The following SUN3 variants were observed in gnomAD, a reference collection of about 807,000 sequenced individuals.
SUN3 encodes SUN domain-containing protein 3.
SUN3 carries 36 observed loss-of-function variants against 48.2 expected under a neutral mutation model. The observed-to-expected ratio is 0.75, with a 90% CI of 0.57 to 0.99. The LOEUF (loss-of-function observed/expected upper bound fraction) is 0.99. Ranked by LOEUF, SUN3 falls within the 50% of genes least tolerant of loss-of-function variation. The pLI is 0.00. For missense variants in SUN3, 419 were observed against 433.1 expected, an observed-to-expected ratio of 0.97 and a Z score of 0.29; for synonymous variants, 148 against 147.9, an observed-to-expected ratio of 1.00 and a Z score of 0.00.
At chr7:48,033,293 G>T (rs768860950), upstream of SUN3, among the ~76,000 whole-genome samples, 2 of 152,166 alleles carry the variant, frequency 1.3e-5, no homozygotes, top group Admixed American at 6.5e-5. Flanking sequence ...AGGTGTGGTG[G>T]CTCATGCCTA....
At chr7:48,034,993 A>G in the SUN3 span, among the ~76,000 whole-genome samples, 11 of 152,350 alleles carry the variant, frequency 7.2e-5, no homozygotes, top group East Asian at 1.3e-3. Flanking sequence ...ATTTGCAAGC[A>G]AATTTGTCTA....
Position 48,004,296 on chromosome 7 carries a change from T to C in SUN3, c.577+1673A>G, listed in dbSNP as rs183660512. On this transcript the variant is annotated intron_variant, in intron 6 of 9. Coordinates refer to ENST00000297325, the MANE Select transcript of SUN3 (RefSeq NM_001030019.2). ...TGTACCCTAGACATACTGAATATTA[T>C]ACTGTAAGACTCTGAGCCCTATTAC... 2.6e-5 allele frequency among the ~76,000 whole-genome samples: 4 copies of C among 152,354 alleles called. No individual in the cohort carries two copies. The East Asian group carries it at 5.8e-4, about 22-fold the overall frequency.
chr7:48,007,556 C>T (rs1485726927), intron 4 of SUN3, among the ~76,000 whole-genome samples: 3 of 152,182 alleles, frequency 2.0e-5, no homozygotes, highest in Admixed American at 6.5e-5. Flanking sequence ...ACTGCTTGAC[C>T]GGGCTCTGCA....
chr7:48,012,576 G>A (rs1027834094), intron 3 of SUN3, among the ~76,000 whole-genome samples: 1 of 152,082 alleles, frequency 6.6e-6, no homozygotes, highest in African/African-American at 2.4e-5. Context: ...TAACTTCAAG[G>A]TGAATCCTAC....
At chr7:47,992,229 C>T (rs1205001240) in intron 8 of SUN3, among the ~76,000 whole-genome samples, 6 of 152,314 alleles carry the variant, frequency 3.9e-5, no homozygotes, top group African/African-American at 1.2e-4. Flanking sequence ...TGACAAGCAT[C>T]ACAGACATGG....
At chr7:48,021,349 G>A (rs1789990838) in intron 2 of SUN3, among the ~76,000 whole-genome samples, 1 of 151,978 alleles carries the variant, frequency 6.6e-6, no homozygotes, top group South Asian at 2.1e-4. Context: ...TCATTGGTCT[G>A]GGCAAAAATT....
intron 2 of SUN3, 100 bp downstream of exon 2, chr7:48,025,777 G>T: frequency 1.3e-6 from 1 of 746,346 alleles, no homozygotes; most frequent in Non-Finnish European, 2.2e-6. Context: ...ACTTTCCGTG[G>T]CATTTATTTA....
At chr7:48,006,245 T>G (rs1697127279) in intron 5 of SUN3, among the ~76,000 whole-genome samples, 192 bp from the exon 6 acceptor site, 1 of 152,130 alleles carries the variant, frequency 6.6e-6, no homozygotes, top group Non-Finnish European at 1.5e-5. Context: ...AGTGTCATTT[T>G]CAGGAATACG....
At chr7:47,987,572 C>A in intron 9 of SUN3, 123 bp from the exon 10 acceptor site, 1 of 961,964 alleles carries the variant, frequency 1.0e-6, no homozygotes, top group South Asian at 2.3e-5. Flanking sequence ...CTGGCTCTGT[C>A]ACACAGGCTG....
chr7:47,998,948 CT>C (rs1789286280), intron 6 of SUN3, among the ~76,000 whole-genome samples: 1 of 152,228 alleles, frequency 6.6e-6, no homozygotes, highest in Admixed American at 6.5e-5. Context: ...AACTTTGTCT[CT>C]TTTTTTCCCA....
chr7:48,006,025 AG>A lies in SUN3; in HGVS notation c.520del (p.Lys176SerfsTer2). ...EEVSNLVNYV[L>X]KKLREDQVEM... ...GACTTGGTCTTCTCTCAACTTTTTA[AG>A]TACATAATTGACCAAGTTTGACACT... On this transcript the variant is annotated frameshift_variant, in exon 6 of 10. Coordinates refer to ENST00000297325, the MANE Select transcript of SUN3 (RefSeq NM_001030019.2). LOFTEE classifies it high-confidence loss of function. 1 of 1,613,020 alleles carries A rather than the reference AG, an allele frequency of 6.2e-7. No individual in the cohort carries two copies. The highest frequency in any genetic ancestry group is 8.5e-7 in the Non-Finnish European group (1 of 1,179,528).
At chr7:47,994,247 G>T in intron 8 of SUN3, 68 bp downstream of exon 8, 1 of 1,496,024 alleles carries the variant, frequency 6.7e-7, no homozygotes, top group Non-Finnish European at 9.2e-7. Flanking sequence ...TCAGAGGACA[G>T]CCCCTAATTC....
At chr7:47,996,240 A>G (rs1789207977) in intron 6 of SUN3, 94 bp from the exon 7 acceptor site, 2 of 700,916 alleles carry the variant, frequency 2.9e-6, no homozygotes, top group Admixed American at 3.2e-5. Context: ...GAAAATTATT[A>G]CTGGGCAAAT....
At chr7:48,003,513 G>A (rs144351352) in intron 6 of SUN3, among the ~76,000 whole-genome samples, 4,151 of 152,240 alleles carry the variant, frequency 0.027, 189 homozygotes, top group African/African-American at 0.094. Context: ...GGGCATTTTA[G>A]TGATATTGAT....
intron 8 of SUN3, chr7:47,990,921 C>T (rs562972658): frequency 4.9e-4 from 196 of 398,524 alleles, no homozygotes; most frequent in Admixed American, 2.0e-3. Flanking sequence ...GAACACAAAG[C>T]GGAGCAACAG....
chr7:47,999,716 G>A (rs1418477441), intron 6 of SUN3, among the ~76,000 whole-genome samples: 1 of 152,040 alleles, frequency 6.6e-6, no homozygotes, highest in Non-Finnish European at 1.5e-5. Flanking sequence ...TGTATTTTTA[G>A]TACAGCCGGG....
In SUN3 at chr7:48,009,034, C is replaced by G. The variant is rs1562606888; in HGVS notation, c.329+1G>C. ...GGCATATAGCAAAAGATCGCACTCACTTTAAAAGTTCCAGTTGCTCTTTAG... is the reference window on the plus strand; with the variant it reads ...GGCATATAGCAAAAGATCGCACTCAGTTTAAAAGTTCCAGTTGCTCTTTAG... On this transcript the variant is annotated splice_donor_variant, in intron 4 of 9. Coordinates refer to ENST00000297325, the MANE Select transcript of SUN3 (RefSeq NM_001030019.2). LOFTEE classifies it high-confidence loss of function. 6.2e-7 allele frequency: 1 copy of G among 1,612,120 alleles called. No homozygotes were observed. Among genetic ancestry groups the G allele is most frequent in the Non-Finnish European group, 8.5e-7 (1 of 1,179,348 alleles).
In SUN3 at chr7:47,987,413, T is replaced by G; in HGVS notation, c.991A>C (p.Asn331His). 2 of 1,600,460 alleles carry G rather than the reference T, an allele frequency of 1.2e-6. No homozygotes were observed. The highest frequency in any genetic ancestry group is 1.1e-5 in the South Asian group (1 of 88,268). The change falls in exon 10 of 10, where the codon AAT (asparagine) becomes CAT (histidine). Residue 331 changes from asparagine to histidine, a missense_variant. Physicochemically the swap from Asn to His is moderately conservative, Grantham distance 68. Coordinates refer to ENST00000297325, the MANE Select transcript of SUN3 (RefSeq NM_001030019.2). ...VSEYLLCVKL[N>H]IFSNWGHPKY... ...GGGTGTCCCCAGTTGCTAAAGATAT[T>G]AAGTTTCACACATAATAAATATTCA...
chr7:48,035,686 G>C, the SUN3 span: 1 of 620,844 alleles, frequency 1.6e-6, no homozygotes, highest in South Asian at 1.8e-5. The surrounding 1 kb of genome is among the most constrained non-coding windows in gnomAD (Gnocchi z 4.0). Context: ...CCCGGGCCTT[G>C]TCCACTGTGC....
Sources: allele counts gnomAD v4.1 joint callset (sites outside exome capture counted in the v4.1 genomes callset), GRCh38; gene constraint gnomAD v4.1.1; non-coding constraint Gnocchi (gnomAD v3.1); transcripts MANE v1.5; gene names NCBI Gene and HGNC (gene_info 2026-07-23, HGNC 2026-07-21).